Variants in FALEC observed in about 807,000 individuals in gnomAD.
FALEC encodes the protein focally amplified lncRNA regulator of ECM1, also known as focally amplified lncRNA on chromosome 1.
At chr1:150,521,523 G>A (rs1451812649), downstream of FALEC, among the ~76,000 whole-genome samples, 2 of 152,198 alleles carry the variant, frequency 1.3e-5, no homozygotes, top group East Asian at 1.9e-4. Flanking sequence ...TCTGTGAGAT[G>A]CCTGCTCAAG....
At chr1:150,525,513 A>G in the FALEC span, among the ~76,000 whole-genome samples, 2 of 152,170 alleles carry the variant, frequency 1.3e-5, no homozygotes, top group South Asian at 4.1e-4. Flanking sequence ...AAAAAAATCC[A>G]GTCTGCAACC....
At chr1:150,534,204 G>A in the FALEC span, among the ~76,000 whole-genome samples, 7 of 152,142 alleles carry the variant, frequency 4.6e-5, no homozygotes, top group Non-Finnish European at 1.0e-4. Flanking sequence ...GAGGTGGGGT[G>A]CAGGAGGGCG....
At chr1:150,535,012 G>T in the FALEC span, among the ~76,000 whole-genome samples, 2 of 152,146 alleles carry the variant, frequency 1.3e-5, no homozygotes, top group Admixed American at 6.6e-5. Context: ...CCACGAGCCG[G>T]GGAACAGAGT....
chr1:150,527,637 G>A, the FALEC span, among the ~76,000 whole-genome samples: 1 of 152,084 alleles, frequency 6.6e-6, no homozygotes, highest in Non-Finnish European at 1.5e-5. Flanking sequence ...CCTGGAATTT[G>A]AGACCCACCT....
chr1:150,519,170 C>T (rs1670608094), downstream of FALEC, among the ~76,000 whole-genome samples: 1 of 152,060 alleles, frequency 6.6e-6, no homozygotes, highest in Non-Finnish European at 1.5e-5. Flanking sequence ...CCAAAGCATC[C>T]CAGAGGCCCC....
chr1:150,525,881 A>C, the FALEC span, among the ~76,000 whole-genome samples: 381 of 152,170 alleles, frequency 2.5e-3, 1 homozygote, highest in African/African-American at 8.8e-3. Flanking sequence ...GCTTCAAGCA[A>C]TTCTCCCATT....
chr1:150,527,799 A>G, the FALEC span, among the ~76,000 whole-genome samples: 30 of 152,102 alleles, frequency 2.0e-4, no homozygotes, highest in South Asian at 2.1e-4. Flanking sequence ...TCAGTGAGCC[A>G]AGATCGCACC....
chr1:150,525,296 AAAC>A, the FALEC span, among the ~76,000 whole-genome samples: 1 of 152,044 alleles, frequency 6.6e-6, no homozygotes, highest in Admixed American at 6.6e-5. Context: ...CAAAAACAAA[AAAC>A]AAAAAAACCC....
At chr1:150,535,267 C>T in the FALEC span, among the ~76,000 whole-genome samples, 28 of 152,002 alleles carry the variant, frequency 1.8e-4, 1 homozygote, top group Admixed American at 1.8e-3. Context: ...TTTTTGAGAC[C>T]GAGTCTCACT....
chr1:150,529,016 C>CAAAAAAAA, the FALEC span, among the ~76,000 whole-genome samples: 649 of 59,224 alleles, frequency 0.011, 77 homozygotes, highest in African/African-American at 0.045. Context: ...AAATAAATAG[C>CAAAAAAAA]AAAAAAAAAA....
At chr1:150,520,947 G>A (rs188092039), downstream of FALEC, among the ~76,000 whole-genome samples, 6 of 151,538 alleles carry the variant, frequency 4.0e-5, no homozygotes, top group Admixed American at 6.6e-5. Context: ...GATTACAGGC[G>A]CCTGCCAATA....
chr1:150,536,319 G>A, the FALEC span, among the ~76,000 whole-genome samples: 1 of 152,200 alleles, frequency 6.6e-6, no homozygotes, highest in Non-Finnish European at 1.5e-5. Context: ...ATAGAATGGA[G>A]GTGGACACAT....
At chr1:150,520,954 A>ATT (rs1670634714), downstream of FALEC, among the ~76,000 whole-genome samples, 1 of 151,682 alleles carries the variant, frequency 6.6e-6, no homozygotes, top group Non-Finnish European at 1.5e-5. Flanking sequence ...GGCGCCTGCC[A>ATT]ATACGCCTGG....
intron 1 of FALEC, among the ~76,000 whole-genome samples, chr1:150,516,791 C>G (rs1670575151): frequency 6.6e-6 from 1 of 152,176 alleles, no homozygotes; most frequent in Non-Finnish European, 1.5e-5. Flanking sequence ...ATGCAAAGTT[C>G]AGCTAAAGTA....
At chr1:150,530,245 CATGCAA>C in the FALEC span, among the ~76,000 whole-genome samples, 2 of 152,206 alleles carry the variant, frequency 1.3e-5, no homozygotes, top group African/African-American at 2.4e-5. Flanking sequence ...TTAGATAATA[CATGCAA>C]ATGCTGAGGC....
chr1:150,521,028 C>T (rs1297154705), downstream of FALEC, among the ~76,000 whole-genome samples: 2 of 151,868 alleles, frequency 1.3e-5, no homozygotes, highest in African/African-American at 4.8e-5. Flanking sequence ...CTCGAACTCC[C>T]GACCTCAGGT....
At chr1:150,522,912 TAC>T (rs587648407), downstream of FALEC, among the ~76,000 whole-genome samples, 579 of 106,156 alleles carry the variant, frequency 5.5e-3, 46 homozygotes, top group African/African-American at 0.025. Context: ...TACATATATA[TAC>T]ATATATATAT....
chr1:150,523,488 C>T, the FALEC span, among the ~76,000 whole-genome samples: 1 of 151,092 alleles, frequency 6.6e-6, no homozygotes, highest in Non-Finnish European at 1.5e-5. Context: ...AACCCTGTCT[C>T]TACTAAAAAT....
chr1:150,517,818 G>C (rs1412783983), exon 2 of FALEC: 1 of 152,286 alleles, frequency 6.6e-6, no homozygotes, highest in Non-Finnish European at 1.5e-5. Context: ...AAGAGGAGCA[G>C]GTTTCACAGA....
Sources: allele counts gnomAD v4.1 joint callset (sites outside exome capture counted in the v4.1 genomes callset), GRCh38; gene constraint gnomAD v4.1.1; transcripts MANE v1.5; gene names NCBI Gene and HGNC (gene_info 2026-07-23, HGNC 2026-07-21).